The following FRAS1 variants were observed in gnomAD, a reference collection of about 807,000 sequenced individuals.
The protein encoded by FRAS1 is extracellular matrix organizing protein FRAS1.
FRAS1 carries 290 observed loss-of-function variants against 435.2 expected under a neutral mutation model. That is an observed-to-expected ratio of 0.67 (90% confidence interval 0.61 to 0.73). The LOEUF (loss-of-function observed/expected upper bound fraction) is 0.73. Ranked by LOEUF, FRAS1 falls within the 30% of genes least tolerant of loss-of-function variation. The probability of loss-of-function intolerance (pLI) is 0.00; values close to 1 mark genes in which losing one functional copy is unlikely to be tolerated. For missense variants in FRAS1, 4,860 were observed against 5,001.5 expected, an observed-to-expected ratio of 0.97 and a Z score of 0.85; for synonymous variants, 1,800 against 1,851.0, an observed-to-expected ratio of 0.97 and a Z score of 0.71.
chr4:78,198,690 T>G (rs954776940), intron 2 of FRAS1, among the ~76,000 whole-genome samples: 2 of 152,136 alleles, frequency 1.3e-5, no homozygotes, highest in Non-Finnish European at 2.9e-5. Context: ...TGGATTCTCT[T>G]CCACCTCCGC....
intron 58 of FRAS1, among the ~76,000 whole-genome samples, chr4:78,483,531 T>C (rs1353527): frequency 0.73 from 110,165 of 151,682 alleles, 41,783 homozygotes; most frequent in East Asian, 1. Flanking sequence ...TCCTAGCAGC[T>C]GAGAAGTCCT....
At chr4:78,331,002 C>G (rs1729925872) in intron 18 of FRAS1, among the ~76,000 whole-genome samples, 1 of 152,122 alleles carries the variant, frequency 6.6e-6, no homozygotes, top group African/African-American at 2.4e-5. Context: ...TGATGTCTCC[C>G]CTGGAAGCCC....
intron 2 of FRAS1, among the ~76,000 whole-genome samples, chr4:78,228,477 C>T (rs1283190377): frequency 1.3e-5 from 2 of 152,146 alleles, no homozygotes; most frequent in African/African-American, 4.8e-5. Context: ...AGAACTCAGC[C>T]TGTATTTCTA....
intron 2 of FRAS1, among the ~76,000 whole-genome samples, chr4:78,187,237 A>G (rs1203444940): frequency 6.6e-6 from 1 of 152,176 alleles, no homozygotes. Context: ...ATGTTTTAGA[A>G]GAGGCACCCA....
intron 50 of FRAS1, 63 bp from the exon 51 acceptor site, chr4:78,469,915 C>T: frequency 8.3e-7 from 1 of 1,203,574 alleles, no homozygotes; most frequent in Non-Finnish European, 1.2e-6. Flanking sequence ...TGTGTAGGCC[C>T]TGGACCTGAC....
chr4:78,529,135 G>C (rs1721634918), intron 70 of FRAS1, among the ~76,000 whole-genome samples: 1 of 152,062 alleles, frequency 6.6e-6, no homozygotes, highest in African/African-American at 2.4e-5. Flanking sequence ...TGGGAGTCTG[G>C]GGTAGTTGAT....
chr4:78,389,686 T>C (rs1485255585), intron 29 of FRAS1, among the ~76,000 whole-genome samples: 1 of 152,222 alleles, frequency 6.6e-6, no homozygotes, highest in Non-Finnish European at 1.5e-5. Context: ...TGTTAGAGGA[T>C]TTCAGTGCCA....
intron 6 of FRAS1, among the ~76,000 whole-genome samples, chr4:78,263,548 G>A (rs572291055): frequency 3.0e-4 from 46 of 152,230 alleles, no homozygotes; most frequent in African/African-American, 1.1e-3. Context: ...TTTGTTTCCT[G>A]TTTGTCTGAC....
At chr4:78,502,156 C>A (rs1299947050) in intron 61 of FRAS1, among the ~76,000 whole-genome samples, 1 of 152,128 alleles carries the variant, frequency 6.6e-6, no homozygotes, top group East Asian at 1.9e-4. Flanking sequence ...TATTGTGATG[C>A]CTCCAGCTTT....
At chr4:78,511,140 A>G in intron 63 of FRAS1, 134 bp from the exon 64 acceptor site, 1 of 726,898 alleles carries the variant, frequency 1.4e-6, no homozygotes, top group East Asian at 2.7e-5. Flanking sequence ...TAATTACGTG[A>G]TGAATGAATG....
At chr4:78,143,516 G>A (rs1720276810) in intron 2 of FRAS1, among the ~76,000 whole-genome samples, 1 of 152,030 alleles carries the variant, frequency 6.6e-6, no homozygotes, top group African/African-American at 2.4e-5. Context: ...TTTGACAACT[G>A]CAAAACACAC....
intron 15 of FRAS1, among the ~76,000 whole-genome samples, chr4:78,309,440 T>C (rs1430590511): frequency 6.6e-6 from 1 of 152,204 alleles, no homozygotes; most frequent in Admixed American, 6.5e-5. Context: ...AAGCATTCTA[T>C]CAGTGTTTGG....
chr4:78,371,072 AT>A (rs1048080214), intron 23 of FRAS1, among the ~76,000 whole-genome samples: 13 of 126,604 alleles, frequency 1.0e-4, no homozygotes, highest in African/African-American at 4.3e-4. Context: ...AGACCACAGA[AT>A]TTTTTTTCTG....
intron 18 of FRAS1, among the ~76,000 whole-genome samples, chr4:78,323,664 C>G (rs373264465): frequency 6.6e-6 from 1 of 152,126 alleles, no homozygotes; most frequent in Non-Finnish European, 1.5e-5. Context: ...CCTGGCTCCT[C>G]CCGGAGTCAC....
chr4:78,506,992 A>T (rs1050494279), intron 61 of FRAS1, among the ~76,000 whole-genome samples: 1 of 152,178 alleles, frequency 6.6e-6, no homozygotes, highest in Non-Finnish European at 1.5e-5. Flanking sequence ...ACCTTGAGCC[A>T]CTACTTCTCA....
At chr4:78,191,857 C>T (rs559235712) in intron 2 of FRAS1, among the ~76,000 whole-genome samples, 28 of 152,278 alleles carry the variant, frequency 1.8e-4, no homozygotes, top group South Asian at 4.1e-4. Context: ...CATGTCCCTA[C>T]AAAGGACATG....
chr4:78,312,461 C>T (rs1729065886), intron 15 of FRAS1, among the ~76,000 whole-genome samples: 1 of 151,758 alleles, frequency 6.6e-6, no homozygotes, highest in African/African-American at 2.4e-5. Flanking sequence ...TGGGAAAATT[C>T]CCTTTCTTTC....
chr4:78,392,192 G>A (rs1409175723), intron 29 of FRAS1, among the ~76,000 whole-genome samples: 3 of 152,124 alleles, frequency 2.0e-5, no homozygotes, highest in East Asian at 3.9e-4. Context: ...TCTTTATGCT[G>A]GTAAATTTCA....
intron 2 of FRAS1, among the ~76,000 whole-genome samples, chr4:78,126,321 C>T (rs1410621775): frequency 1.3e-5 from 2 of 152,164 alleles, no homozygotes; most frequent in African/African-American, 4.8e-5. Context: ...CTTCCCTTGG[C>T]TAGGAAAGGG....
Sources: allele counts gnomAD v4.1 joint callset (sites outside exome capture counted in the v4.1 genomes callset), GRCh38; gene constraint gnomAD v4.1.1; transcripts MANE v1.5; gene names NCBI Gene and HGNC (gene_info 2026-07-23, HGNC 2026-07-21).